Variants in TRAK1 observed in about 807,000 individuals in gnomAD.
TRAK1 encodes the protein trafficking kinesin-binding protein 1.
In TRAK1, 33 loss-of-function variants were observed where a neutral mutation model predicts 92.1. The observed-to-expected ratio is 0.36, with a 90% confidence interval of 0.27 to 0.48. TRAK1 has a LOEUF of 0.48. Ranked by LOEUF, TRAK1 falls within the 20% of genes least tolerant of loss-of-function variation. The pLI is 0.99. For synonymous variants in TRAK1, 521 were observed against 517.3 expected, an observed-to-expected ratio of 1.01 and a Z score of -0.10; for missense variants, 1,123 against 1,257.9, an observed-to-expected ratio of 0.89 and a Z score of 1.62.
chr3:42,219,579 C>T lies in TRAK1; in HGVS notation c.2049C>T (p.Leu683=), dbSNP rs1710109089. The T allele has an allele frequency of 1.2e-6, 2 of 1,610,670 alleles. No individual in the cohort carries two copies. The highest frequency in any genetic ancestry group is 1.7e-6 in the Non-Finnish European group (2 of 1,178,044). Residue 683 remains leucine, a synonymous_variant, in exon 15 of 16, where the codon CTC becomes CTT. Coordinates refer to ENST00000327628, the MANE Select transcript of TRAK1 (RefSeq NM_001042646.3). ...TCRILHPSDE[L]TRVTPSLNSA... Reference sequence around the variant, plus strand: ...GCATCCTGCATCCTTCAGATGAGCTCACTCGGGTCACACCAAGGTAAGGGA... The same window carrying T: ...GCATCCTGCATCCTTCAGATGAGCTTACTCGGGTCACACCAAGGTAAGGGA...
chr3:42,024,870 C>T (rs1365704892), intron 1 of TRAK1, among the ~76,000 whole-genome samples: 1 of 152,208 alleles, frequency 6.6e-6, no homozygotes, highest in Admixed American at 6.6e-5. Context: ...ATGTGTTGCC[C>T]TGGACTGAGA....
chr3:42,141,699 C>T lies in TRAK1; in HGVS notation c.286+16085C>T, dbSNP rs779109012. On this transcript the variant is annotated intron_variant, in intron 2 of 15. Transcript: ENST00000327628. Reference sequence around the variant, plus strand: ...TCCTCGACATTGCTAGGTTTGTGGCCGCATCTCTCCAGGTTCTGCTCTGTC... The same window carrying T: ...TCCTCGACATTGCTAGGTTTGTGGCTGCATCTCTCCAGGTTCTGCTCTGTC... Among the ~76,000 whole-genome samples, 8 of 152,224 alleles carry T rather than the reference C, an allele frequency of 5.3e-5. No individual in the cohort carries two copies. The South Asian group carries it at 6.2e-4, about 12-fold the overall frequency.
At chr3:42,110,325 G>A (rs143518155) in intron 1 of TRAK1, among the ~76,000 whole-genome samples, 84 of 151,642 alleles carry the variant, frequency 5.5e-4, no homozygotes, top group African/African-American at 2.0e-3. Context: ...GTGTTGAGGG[G>A]TGGGGGTTGA....
intron 1 of TRAK1, among the ~76,000 whole-genome samples, chr3:42,122,541 T>C (rs1710023530): frequency 6.6e-6 from 1 of 152,136 alleles, no homozygotes; most frequent in Non-Finnish European, 1.5e-5. Flanking sequence ...AGCCAAGAGA[T>C]GCTACCGACT....
At chr3:42,132,641 A>C (rs1314446086) in intron 2 of TRAK1, among the ~76,000 whole-genome samples, 1 of 151,958 alleles carries the variant, frequency 6.6e-6, no homozygotes, top group Admixed American at 6.6e-5. Flanking sequence ...CAGAGGCCTG[A>C]CTATATATCC....
rs1707467544 is a variant in TRAK1 at position 42,201,054 on chromosome 3, G to A, written c.1427G>A (p.Gly476Glu). The A allele has an allele frequency of 6.2e-7, 1 of 1,614,010 alleles. No homozygotes were observed. Among genetic ancestry groups the A allele is most frequent in the African/African-American group, 1.3e-5 (1 of 74,914 alleles). ...IILETEAADL[G>E]NDERSKKPGT... ...CTGGAAACAGAGGCAGCCGACCTGG[G>A]GTGAGCAAGCTGGGAGTTTTCACTT... Residue 476 changes from glycine to glutamate, a missense_variant and splice_region_variant, in exon 12 of 16, where the codon GGA (glycine) becomes GAA (glutamate). Around this residue, in one of 3 missense-constraint regions of TRAK1, gnomAD observed 686 missense variants for 747.6 expected, o/e 0.92. Transcript: ENST00000327628.
intron 1 of TRAK1, among the ~76,000 whole-genome samples, chr3:42,103,544 C>T (rs1707097110): frequency 1.3e-5 from 2 of 152,146 alleles, no homozygotes; most frequent in African/African-American, 4.8e-5. Flanking sequence ...TTGCCCCTAA[C>T]CTTGGAGAGC....
intron 1 of TRAK1, among the ~76,000 whole-genome samples, chr3:42,022,017 C>T (rs542445701): frequency 3.9e-5 from 6 of 152,168 alleles, no homozygotes; most frequent in Admixed American, 6.5e-5. Flanking sequence ...GTATTCTGTG[C>T]CACACCTCAA....
At chr3:42,109,853 C>T (rs1171104717) in intron 1 of TRAK1, among the ~76,000 whole-genome samples, 1 of 151,608 alleles carries the variant, frequency 6.6e-6, no homozygotes, top group African/African-American at 2.4e-5. Flanking sequence ...GTCCCAAGGA[C>T]AGAAAACCAA....
chr3:42,053,330 A>C (rs1324637651), intron 1 of TRAK1, among the ~76,000 whole-genome samples: 2 of 143,842 alleles, frequency 1.4e-5, no homozygotes, highest in East Asian at 2.3e-4. Context: ...CTCCAGAAAA[A>C]AAGGCACTCA....
intron 2 of TRAK1, among the ~76,000 whole-genome samples, chr3:42,141,945 G>T (rs1005461193): frequency 2.6e-5 from 4 of 152,130 alleles, no homozygotes; most frequent in African/African-American, 9.7e-5. Flanking sequence ...AGACCAGCCT[G>T]GCTAACATGA....
rs1705301772 is a variant in TRAK1, at chr3:42,189,074, C to A, written c.640C>A (p.Gln214Lys). The change falls in exon 6 of 16, where the codon CAA becomes AAA. Residue 214 changes from glutamine to lysine, a missense_variant. Physicochemically the swap from Gln to Lys is moderately conservative, Grantham distance 53. Transcript: ENST00000327628. ...VQNYFHLDSL[Q>K]KKLKDLEEEN... ...GAATTACTTTCATTTGGATTCTCTTCAAAAGAAGCTGAAAGACCTTGAAGA... is the reference window on the plus strand; with the variant it reads ...GAATTACTTTCATTTGGATTCTCTTAAAAAGAAGCTGAAAGACCTTGAAGA... 6.2e-7 allele frequency: 1 copy of A among 1,614,048 alleles called. No individual in the cohort carries two copies. The highest frequency in any genetic ancestry group is 8.5e-7 in the Non-Finnish European group (1 of 1,180,006).
chr3:42,050,227 A>C (rs766437344), intron 1 of TRAK1, among the ~76,000 whole-genome samples: 10 of 151,832 alleles, frequency 6.6e-5, no homozygotes, highest in African/African-American at 1.2e-4. Context: ...CTAAGTATAG[A>C]TTTACAATCC....
intron 2 of TRAK1, among the ~76,000 whole-genome samples, chr3:42,170,303 T>C (rs770418153): frequency 2.0e-5 from 3 of 152,218 alleles, no homozygotes; most frequent in Non-Finnish European, 2.9e-5. Context: ...TTTAGAATTT[T>C]ATGGAAAGCT....
At chr3:42,147,490 A>G (rs1356184877) in intron 2 of TRAK1, among the ~76,000 whole-genome samples, 4 of 152,152 alleles carry the variant, frequency 2.6e-5, no homozygotes, top group African/African-American at 4.8e-5. Flanking sequence ...CTGGAATCCT[A>G]TTAACAATTT....
At chr3:42,033,927 C>T (rs564761957) in intron 1 of TRAK1, among the ~76,000 whole-genome samples, 1 of 152,276 alleles carries the variant, frequency 6.6e-6, no homozygotes, top group African/African-American at 2.4e-5. Flanking sequence ...GTTCCAATGA[C>T]TCACCTAGCA....
At chr3:42,058,322 A>C (rs1703281554) in intron 1 of TRAK1, among the ~76,000 whole-genome samples, 1 of 151,990 alleles carries the variant, frequency 6.6e-6, no homozygotes, top group Non-Finnish European at 1.5e-5. Context: ...GGGAACCTTT[A>C]TTTTTAAATT....
At chr3:42,097,284 A>T (rs1387736333) in intron 1 of TRAK1, among the ~76,000 whole-genome samples, 1 of 152,242 alleles carries the variant, frequency 6.6e-6, no homozygotes, top group Non-Finnish European at 1.5e-5. Context: ...GGGGATAGCC[A>T]TGTTCCCACA....
chr3:42,030,679 A>C (rs1228767121), intron 1 of TRAK1, among the ~76,000 whole-genome samples: 4 of 105,256 alleles, frequency 3.8e-5, no homozygotes, highest in Non-Finnish European at 7.5e-5. Flanking sequence ...TCTCAAAAAA[A>C]AAAAAAAAGA....
Sources: gnomAD v4.1 joint callset for allele counts (sites outside exome capture counted in the v4.1 genomes callset) on GRCh38, gnomAD v4.1.1 for gene constraint, gnomAD v4.1.1 regional missense constraint, MANE v1.5 for transcripts, NCBI Gene and HGNC (gene_info 2026-07-23, HGNC 2026-07-21) for gene names.